TCF20: variants seen among roughly 807,000 people sequenced by gnomAD.
The protein encoded by TCF20 is transcription factor 20.
A neutral mutation model predicts 148.6 loss-of-function variants in TCF20; 3 were observed. The observed-to-expected ratio is 0.02, with a 90% CI of 0.01 to 0.05. The LOEUF (loss-of-function observed/expected upper bound fraction) is 0.05, where lower values mean the gene tolerates loss of function less well. Ranked by LOEUF, TCF20 falls within the 10% of genes least tolerant of loss-of-function variation. The pLI, the probability that TCF20 is intolerant of heterozygous loss-of-function variation, is 1.00. For synonymous variants in TCF20, 1,049 were observed against 909.5 expected (o/e 1.15, Z -2.76); for missense variants, 2,350 against 2,429.3 (o/e 0.97, Z 0.69).
intron 2 of TCF20, among the ~76,000 whole-genome samples, chr22:42,189,292 G>C (rs1937208816): frequency 6.6e-6 from 1 of 152,196 alleles, no homozygotes. Context: ...TGAGTGTGTG[G>C]CAGTGTAAAT....
At chr22:42,197,409 G>A (rs937242127) in intron 2 of TCF20, among the ~76,000 whole-genome samples, 9 of 148,382 alleles carry the variant, frequency 6.1e-5, no homozygotes, top group Admixed American at 2.0e-4. Flanking sequence ...TGCAAGCTCC[G>A]CCTCCCGGGT....
In TCF20 at chr22:42,214,079, G is replaced by A. The variant is rs533099512; in HGVS notation, c.1227C>T (p.Asn409=). ...GTTGAGGCATTAACTGTAAAATTCT[G>A]TTTCTGGAACCCATAGGCACACTGC... ...GQGSVPMGSR[N]RILQLMPQLS... Residue 409 remains asparagine (N), a synonymous_variant, in exon 2 of 6, where the codon AAC becomes AAT. Transcript: ENST00000677622. 3 of 1,614,210 alleles carry A rather than the reference G, an allele frequency of 1.9e-6. No individual in the cohort carries two copies. Among genetic ancestry groups the A allele is most frequent in the Middle Eastern group, 1.6e-4 (1 of 6,062 alleles).
chr22:42,297,118 A>G lies in TCF20; in HGVS notation c.-37+46361T>C, dbSNP rs573401258. Among the ~76,000 whole-genome samples, 51 of 152,244 alleles carry G rather than the reference A, an allele frequency of 3.3e-4. No individual in the cohort carries two copies. Among genetic ancestry groups the G allele is most frequent in the Non-Finnish European group, 5.6e-4 (38 of 67,992 alleles). ...CCCCAGAACCTGTGTCCCAACCCCT[A>G]TGCACTACTGGTTCAGGCAGGCCTC... On this transcript the variant is annotated intron_variant, in intron 1 of 1. Coordinates refer to the TCF20 transcript ENST00000515426. The surrounding 1 kb of genome is among the most constrained non-coding windows in gnomAD (Gnocchi z 4.3).
At chr22:42,323,853 G>A (rs1479813981) in intron 1 of TCF20, among the ~76,000 whole-genome samples, 3 of 143,386 alleles carry the variant, frequency 2.1e-5, no homozygotes, top group Non-Finnish European at 4.7e-5. Flanking sequence ...TAGTGGTGAT[G>A]GAGGTTATGG....
chr22:42,305,090 G>A (rs1927408683), intron 1 of TCF20, among the ~76,000 whole-genome samples: 9 of 152,004 alleles, frequency 5.9e-5, no homozygotes, highest in Admixed American at 5.9e-4. Flanking sequence ...GAGAAAGCAG[G>A]ACCTGAACTA....
chr22:42,175,494 C>T (rs935381112), intron 3 of TCF20, among the ~76,000 whole-genome samples: 4 of 152,170 alleles, frequency 2.6e-5, no homozygotes, highest in Admixed American at 6.5e-5. Context: ...GCACGCGCCA[C>T]CACACCTGGC....
chr22:42,236,547 A>T (rs549208180), intron 1 of TCF20, among the ~76,000 whole-genome samples: 2 of 152,368 alleles, frequency 1.3e-5, no homozygotes, highest in Admixed American at 6.5e-5. Flanking sequence ...ACTTGGAGGC[A>T]GATGGCCTCT....
chr22:42,297,200 C>T lies in TCF20; in HGVS notation c.-37+46279G>A. On this transcript the variant is annotated intron_variant, in intron 1 of 1. Transcript: ENST00000515426. This position sits in a 1 kb window ranked among gnomAD's most constrained non-coding sequence, Gnocchi z 4.3. ...GGGCGACCTTGGGCAAGGAGGCTGC[C>T]CATCTGGAAAATGGGCATGATCAGA... is the stretch of plus-strand genomic sequence containing the variant. Among the ~76,000 whole-genome samples, 1 of 152,148 alleles carries T rather than the reference C, an allele frequency of 6.6e-6. No homozygotes were observed. Among genetic ancestry groups the T allele is most frequent in the Non-Finnish European group, 1.5e-5 (1 of 68,028 alleles).
chr22:42,251,613 G>A (rs1925378046), intron 1 of TCF20, among the ~76,000 whole-genome samples: 2 of 135,056 alleles, frequency 1.5e-5, no homozygotes, highest in Non-Finnish European at 3.0e-5. Context: ...AGTGATTCTC[G>A]TGCCTCAGCA....
intron 1 of TCF20, among the ~76,000 whole-genome samples, chr22:42,258,815 G>T (rs1925880258): frequency 6.6e-6 from 1 of 152,036 alleles, no homozygotes; most frequent in Non-Finnish European, 1.5e-5. Flanking sequence ...TTCGACTTAG[G>T]ACGGATGGGT....
chr22:42,170,005 C>G (rs1936025463), intron 3 of TCF20, 109 bp from the exon 4 acceptor site: 1 of 1,040,390 alleles, frequency 9.6e-7, no homozygotes, highest in African/African-American at 1.6e-5. Flanking sequence ...GGTCGCTACA[C>G]TTACTTCTAA....
At chr22:42,256,596 CAA>C (rs1395398673) in intron 1 of TCF20, among the ~76,000 whole-genome samples, 1 of 151,896 alleles carries the variant, frequency 6.6e-6, no homozygotes. Context: ...AGACTTTCAA[CAA>C]GAGAAGATGA....
Position 42,213,822 on chromosome 22 carries a change from G to A in TCF20, c.1484C>T (p.Ala495Val). The A allele has an allele frequency of 6.2e-7, 1 of 1,614,188 alleles. No individual in the cohort carries two copies. The highest frequency in any genetic ancestry group is 1.3e-5 in the African/African-American group (1 of 75,044). Residue 495 changes from alanine (A) to valine (V), a missense_variant, in exon 2 of 6, where the codon GCA becomes GTA. Ala to Val is a moderately conservative substitution (Grantham distance 64, BLOSUM62 0). Coordinates refer to ENST00000677622, the MANE Select transcript of TCF20 (RefSeq NM_001378418.1). ...TSKRPSSSKK[A>V]DSCTNSEGSS... ...GCCTTCAGAATTTGTGCAGCTATCTGCTTTCTTGGAAGATGAGGGCCTCTT... is the reference window on the plus strand; with the variant it reads ...GCCTTCAGAATTTGTGCAGCTATCTACTTTCTTGGAAGATGAGGGCCTCTT...
chr22:42,286,461 C>T (rs1927032936), upstream of TCF20, among the ~76,000 whole-genome samples: 1 of 152,156 alleles, frequency 6.6e-6, no homozygotes, highest in Non-Finnish European at 1.5e-5. Flanking sequence ...ACATGCTCCA[C>T]CTGTAAAATG....
chr22:42,250,914 AAG>A (rs1407704082), intron 1 of TCF20, among the ~76,000 whole-genome samples: 1 of 152,214 alleles, frequency 6.6e-6, no homozygotes, highest in South Asian at 2.1e-4. Context: ...AGGACTGAGC[AAG>A]AGAGAGTGTG....
At chr22:42,231,950 ACAGT>A (rs1923456041) in intron 1 of TCF20, among the ~76,000 whole-genome samples, 1 of 151,470 alleles carries the variant, frequency 6.6e-6, no homozygotes, top group African/African-American at 2.4e-5. Context: ...AAAAAAAGTT[ACAGT>A]AATCTAAGGT....
chr22:42,264,411 C>G (rs1339929163), intron 1 of TCF20, among the ~76,000 whole-genome samples: 4 of 152,172 alleles, frequency 2.6e-5, no homozygotes, highest in Non-Finnish European at 4.4e-5. Flanking sequence ...GCAGACAACA[C>G]TCCTCTTTCT....
chr22:42,324,177 G>A (rs1370218947), intron 1 of TCF20, among the ~76,000 whole-genome samples: 3 of 149,440 alleles, frequency 2.0e-5, no homozygotes, highest in Non-Finnish European at 4.5e-5. Context: ...TGGTGGTGAT[G>A]GAGGTTATGG....
intron 1 of TCF20, among the ~76,000 whole-genome samples, chr22:42,239,176 A>T (rs1376827630): frequency 6.6e-6 from 1 of 151,088 alleles, no homozygotes; most frequent in Non-Finnish European, 1.5e-5. Flanking sequence ...CATGACAGAT[A>T]ACAATTTTAA....
Sources: gnomAD v4.1 joint callset for allele counts (sites outside exome capture counted in the v4.1 genomes callset) on GRCh38, gnomAD v4.1.1 for gene constraint, Gnocchi (gnomAD v3.1) non-coding constraint, MANE v1.5 for transcripts, NCBI Gene and HGNC (gene_info 2026-07-23, HGNC 2026-07-21) for gene names.